Variants in CYSLTR2 observed in about 807,000 individuals in gnomAD.
CYSLTR2 encodes the protein G-protein coupled receptor GPCR21.
For synonymous variants in CYSLTR2, 179 were observed against 160.8 expected, an observed-to-expected ratio of 1.11 and a Z score of -0.86; for missense variants, 398 against 411.9, an observed-to-expected ratio of 0.97 and a Z score of 0.29.
chr13:48,661,234 G>A (rs1953120093), intron 1 of CYSLTR2, among the ~76,000 whole-genome samples: 1 of 151,920 alleles, frequency 6.6e-6, no homozygotes, highest in Non-Finnish European at 1.5e-5. Flanking sequence ...TTACAGACAT[G>A]AGCCACTTTG....
Position 48,710,976 on chromosome 13 carries a change from C to G in CYSLTR2, c.*3118C>G, listed in dbSNP as rs1447739455. ...TATAAGAGACCTAGGTTGCCATATT[C>G]TATCACAGAAAATGCATAATAACTA... On this transcript the variant is annotated 3_prime_UTR_variant, in exon 5 of 5. Coordinates refer to ENST00000682523, the MANE Select transcript of CYSLTR2 (RefSeq NM_001308476.3). 1 of 152,028 alleles carries G rather than the reference C, an allele frequency of 6.6e-6. No individual in the cohort carries two copies. Among genetic ancestry groups the G allele is most frequent in the Non-Finnish European group, 1.5e-5 (1 of 67,986 alleles). The allele number at this position is 152,028 out of a possible 1,614,324, so 9.4% of individuals were successfully genotyped here. A position where few individuals can be genotyped will look rare whatever the true frequency, so the allele number is the denominator to read the frequency against.
intron 1 of CYSLTR2, among the ~76,000 whole-genome samples, chr13:48,690,897 G>A (rs1183123282): frequency 1.2e-4 from 13 of 106,834 alleles, no homozygotes; most frequent in African/African-American, 4.1e-4. Context: ...GCTTTTTTTG[G>A]TTGGTAGGCT....
chr13:48,683,091 G>A (rs543531851), intron 1 of CYSLTR2, among the ~76,000 whole-genome samples: 1 of 152,238 alleles, frequency 6.6e-6, no homozygotes, highest in East Asian at 1.9e-4. Flanking sequence ...AGTATTCCAT[G>A]GTGTATATGT....
At chr13:48,673,048 G>A (rs1953484886) in intron 1 of CYSLTR2, among the ~76,000 whole-genome samples, 1 of 152,324 alleles carries the variant, frequency 6.6e-6, no homozygotes, top group South Asian at 2.1e-4. Context: ...TTTAGAATAA[G>A]TGCAATGTGG....
At chr13:48,685,382 C>A (rs926925483) in intron 1 of CYSLTR2, among the ~76,000 whole-genome samples, 1 of 152,196 alleles carries the variant, frequency 6.6e-6, no homozygotes, top group Non-Finnish European at 1.5e-5. Flanking sequence ...CCAGGCCCCA[C>A]CTCCAACACT....
chr13:48,672,616 C>CT (rs71076039), intron 1 of CYSLTR2, among the ~76,000 whole-genome samples: 5,461 of 120,062 alleles, frequency 0.045, 230 homozygotes, highest in Non-Finnish European at 0.071. Context: ...CTTTTCTTTT[C>CT]TTTTTTTTTT....
At chr13:48,664,144 C>T (rs1439517866) in intron 1 of CYSLTR2, among the ~76,000 whole-genome samples, 21 of 152,038 alleles carry the variant, frequency 1.4e-4, no homozygotes, top group Admixed American at 9.2e-4. Context: ...TTGCATATGT[C>T]GAACCATCCT....
chr13:48,699,874 G>A (rs1429163016), intron 4 of CYSLTR2, among the ~76,000 whole-genome samples: 1 of 152,184 alleles, frequency 6.6e-6, no homozygotes, highest in African/African-American at 2.4e-5. Context: ...ACTACCATCA[G>A]AGAATACTAT....
chr13:48,673,722 G>T (rs143922670), intron 1 of CYSLTR2, among the ~76,000 whole-genome samples: 1 of 151,876 alleles, frequency 6.6e-6, no homozygotes, highest in Non-Finnish European at 1.5e-5. Context: ...TAGTGTCGAC[G>T]GTCTTTACAT....
intron 3 of CYSLTR2, among the ~76,000 whole-genome samples, chr13:48,694,481 G>C (rs1050665572): frequency 2.0e-5 from 3 of 152,186 alleles, no homozygotes; most frequent in Non-Finnish European, 4.4e-5. Flanking sequence ...TTACAGACTA[G>C]AAAGACTCCA....
At chr13:48,686,062 T>C (rs2138916062) in intron 1 of CYSLTR2, among the ~76,000 whole-genome samples, 1 of 152,316 alleles carries the variant, frequency 6.6e-6, no homozygotes, top group Admixed American at 6.5e-5. Context: ...GAAGATACTG[T>C]GGGAAGTGCT....
chr13:48,664,096 C>A (rs899776583), intron 1 of CYSLTR2, among the ~76,000 whole-genome samples: 12 of 152,002 alleles, frequency 7.9e-5, no homozygotes, highest in Non-Finnish European at 1.5e-4. Context: ...TGGCTTTTGT[C>A]TTTCACTCTA....
chr13:48,689,605 G>T (rs1953984352), intron 1 of CYSLTR2, among the ~76,000 whole-genome samples: 2 of 145,194 alleles, frequency 1.4e-5, no homozygotes, highest in South Asian at 2.3e-4. Context: ...CTGTTCCATT[G>T]GTCTATATAT....
At chr13:48,654,216 A>T (rs1220598625) in intron 1 of CYSLTR2, among the ~76,000 whole-genome samples, 199 bp downstream of exon 1, 1 of 151,552 alleles carries the variant, frequency 6.6e-6, no homozygotes, top group Non-Finnish European at 1.5e-5. Flanking sequence ...TTCTCCACCA[A>T]AATAGCCTCT....
At chr13:48,703,312 G>A (rs942837966) in intron 4 of CYSLTR2, among the ~76,000 whole-genome samples, 1 of 151,900 alleles carries the variant, frequency 6.6e-6, no homozygotes, top group Admixed American at 6.6e-5. Context: ...TTTCCTTTTT[G>A]TGTTTTTGCC....
At chr13:48,669,331 G>C (rs756765315) in intron 1 of CYSLTR2, among the ~76,000 whole-genome samples, 1 of 151,664 alleles carries the variant, frequency 6.6e-6, no homozygotes, top group Non-Finnish European at 1.5e-5. Context: ...AGAACGTGCA[G>C]ATTTTTTACA....
chr13:48,656,488 G>A (rs530437004), intron 1 of CYSLTR2, among the ~76,000 whole-genome samples: 1 of 152,198 alleles, frequency 6.6e-6, no homozygotes, highest in South Asian at 2.1e-4. Context: ...TAATAAAAGA[G>A]ACTAAAAGGC....
chr13:48,688,516 T>C (rs978409390), intron 1 of CYSLTR2, among the ~76,000 whole-genome samples: 4 of 152,222 alleles, frequency 2.6e-5, no homozygotes, highest in Admixed American at 2.6e-4. Flanking sequence ...TGTTTGCTTT[T>C]CTGTTCCTGT....
intron 1 of CYSLTR2, among the ~76,000 whole-genome samples, chr13:48,655,593 A>G (rs1182293697): frequency 5.9e-5 from 9 of 152,222 alleles, no homozygotes; most frequent in Non-Finnish European, 4.4e-5. Flanking sequence ...CAGCATGTTA[A>G]TCTAATTTCT....
Sources: gnomAD v4.1 joint callset for allele counts (sites outside exome capture counted in the v4.1 genomes callset) on GRCh38, gnomAD v4.1.1 for gene constraint, MANE v1.5 for transcripts, NCBI Gene and HGNC (gene_info 2026-07-23, HGNC 2026-07-21) for gene names.